Variants in MYOM2 observed in about 807,000 individuals in gnomAD.
The protein encoded by MYOM2 is myomesin 2.
In MYOM2, 254 loss-of-function variants were observed where a neutral mutation model predicts 187.6. The observed-to-expected ratio is 1.35, with a 90% CI of 1.22 to 1.50. The LOEUF (loss-of-function observed/expected upper bound fraction) is 1.50, where lower values mean the gene tolerates loss of function less well. Ranked by LOEUF, MYOM2 falls within the 40% of genes most tolerant of loss-of-function variation. The pLI is 0.00. For missense variants in MYOM2, 2,796 were observed against 1,924.0 expected, an observed-to-expected ratio of 1.45 and a Z score of -8.48; for synonymous variants, 981 against 753.8, an observed-to-expected ratio of 1.30 and a Z score of -4.94.
chr8:2,062,779 A>C (rs1380584223), intron 6 of MYOM2, among the ~76,000 whole-genome samples: 1 of 152,090 alleles, frequency 6.6e-6, no homozygotes, highest in Non-Finnish European at 1.5e-5. Flanking sequence ...AGGGGTAAGT[A>C]GGTTGGTCTG....
chr8:2,057,200 T>G, intron 3 of MYOM2, 148 bp from the exon 4 acceptor site: 1 of 850,920 alleles, frequency 1.2e-6, no homozygotes, highest in South Asian at 2.1e-5. Flanking sequence ...TAGATTCAAA[T>G]GAGCAGAAGT....
intron 11 of MYOM2, among the ~76,000 whole-genome samples, chr8:2,078,269 C>A (rs1472961039): frequency 6.6e-6 from 1 of 152,202 alleles, no homozygotes; most frequent in Non-Finnish European, 1.5e-5. Context: ...GGGACCTGGG[C>A]CCTTGGTCTC....
At chr8:2,065,927 G>A (rs117167000) in intron 6 of MYOM2, among the ~76,000 whole-genome samples, 12 of 152,326 alleles carry the variant, frequency 7.9e-5, no homozygotes, top group South Asian at 2.1e-4. Flanking sequence ...TGCAGCACAC[G>A]GGGGAGATTC....
Position 2,094,480 on chromosome 8 carries a change from C to T in MYOM2, c.2125+389C>T, listed in dbSNP as rs147001477. Among the ~76,000 whole-genome samples the T allele has an allele frequency of 2.6e-3, 390 of 152,178 alleles. 1 individual carries two copies. The highest frequency in any genetic ancestry group is 7.9e-3 in the African/African-American group (329 of 41,532). On this transcript the variant is annotated intron_variant, in intron 17 of 36. Coordinates refer to ENST00000262113, the MANE Select transcript of MYOM2 (RefSeq NM_003970.4). ...CATCCTGGCCAACAAGGTGAAACCC[C>T]GTCTCTACTGAAAATACAAAAATCA... is the stretch of plus-strand genomic sequence containing the variant.
At chr8:2,089,834 G>T (rs1796233463) in intron 14 of MYOM2, among the ~76,000 whole-genome samples, 174 bp from the exon 15 acceptor site, 1 of 152,030 alleles carries the variant, frequency 6.6e-6, no homozygotes, top group Non-Finnish European at 1.5e-5. Flanking sequence ...CTCCAAATTG[G>T]CATCATGTTT....
At chr8:2,123,476 A>G (rs745966935) in intron 29 of MYOM2, 79 bp from the exon 30 acceptor site, 28 of 1,482,962 alleles carry the variant, frequency 1.9e-5, no homozygotes, top group Non-Finnish European at 2.5e-5. Context: ...GTTTGCAAAG[A>G]AAATGTATTA....
At chr8:2,109,962 G>T (rs571163219) in intron 25 of MYOM2, among the ~76,000 whole-genome samples, 5 of 152,318 alleles carry the variant, frequency 3.3e-5, no homozygotes, top group African/African-American at 1.2e-4. Context: ...ATAAGTTTCT[G>T]TGGCTTCTCT....
chr8:2,064,777 C>G (rs1017075549), intron 6 of MYOM2, among the ~76,000 whole-genome samples: 2 of 151,458 alleles, frequency 1.3e-5, no homozygotes, highest in Non-Finnish European at 2.9e-5. Flanking sequence ...TCCTTCTCCT[C>G]CATCCCCCTC....
chr8:2,102,800 A>G lies in MYOM2; in HGVS notation c.2734+19A>G. 1 of 1,580,176 alleles carries G rather than the reference A, an allele frequency of 6.3e-7. No individual in the cohort carries two copies. The highest frequency in any genetic ancestry group is 8.7e-7 in the Non-Finnish European group (1 of 1,150,478). ...AGACCAGGTAAGGCTTACAACAAAAACTACAAAACAGCAATGATTTGTGGG... is the reference window on the plus strand; with the variant it reads ...AGACCAGGTAAGGCTTACAACAAAAGCTACAAAACAGCAATGATTTGTGGG... On this transcript the variant is annotated intron_variant, in intron 21 of 36. Coordinates refer to ENST00000262113, the MANE Select transcript of MYOM2 (RefSeq NM_003970.4).
intron 3 of MYOM2, among the ~76,000 whole-genome samples, chr8:2,055,787 C>T (rs555079704): frequency 1.2e-4 from 18 of 152,294 alleles, no homozygotes; most frequent in Non-Finnish European, 2.1e-4. Context: ...CAGGCCTTAC[C>T]GCCAACCTGC....
intron 6 of MYOM2, among the ~76,000 whole-genome samples, chr8:2,065,361 G>C (rs930054709): frequency 6.6e-6 from 1 of 152,148 alleles, no homozygotes; most frequent in Non-Finnish European, 1.5e-5. Flanking sequence ...ACGAGGTCAG[G>C]AGTTTGAGAC....
At chr8:2,113,365 G>A (rs1255940070) in intron 25 of MYOM2, among the ~76,000 whole-genome samples, 4 of 152,180 alleles carry the variant, frequency 2.6e-5, no homozygotes, top group African/African-American at 9.7e-5. Flanking sequence ...ACACCTTTCA[G>A]TATCTGTTAG....
chr8:2,058,826 A>G (rs1006410919), intron 5 of MYOM2, among the ~76,000 whole-genome samples: 1 of 152,208 alleles, frequency 6.6e-6, no homozygotes, highest in African/African-American at 2.4e-5. Flanking sequence ...GCTACACTGC[A>G]GCTTAAGTAG....
At position 2,123,649 on chromosome 8, in the gene MYOM2, G is replaced by T. The variant is rs187275451; in HGVS notation, c.3655+7G>T. On this transcript the variant is annotated splice_region_variant and intron_variant, in intron 30 of 36. Coordinates refer to ENST00000262113, the MANE Select transcript of MYOM2 (RefSeq NM_003970.4). ...CTTGAAATAGCTGGCAAAGGTAAAA[G>T]AAAACCTCCTTTGTTCTGTGAACAA... 4 of 1,612,228 alleles carry T rather than the reference G, an allele frequency of 2.5e-6. No individual in the cohort carries two copies. Among genetic ancestry groups the T allele is most frequent in the Non-Finnish European group, 2.5e-6 (3 of 1,178,432 alleles).
In MYOM2 at chr8:2,126,193, G is replaced by C. The variant is rs139611921; in HGVS notation, c.3694+1976G>C. Among the ~76,000 whole-genome samples the C allele has an allele frequency of 8.8e-3, 1,341 of 152,282 alleles. 31 individuals carry two copies. The highest frequency in any genetic ancestry group is 0.031 in the African/African-American group (1,292 of 41,548). On this transcript the variant is annotated intron_variant, in intron 31 of 36. Transcript: ENST00000262113. ...GAAGCAGAGATGCAGCGGCTGAGGGGACATGCACATTATGTTGGGAGTTGG... is the reference window on the plus strand; with the variant it reads ...GAAGCAGAGATGCAGCGGCTGAGGGCACATGCACATTATGTTGGGAGTTGG...
intron 20 of MYOM2, 59 bp from the exon 21 acceptor site, chr8:2,102,608 A>T: frequency 8.2e-7 from 1 of 1,222,308 alleles, no homozygotes; most frequent in Non-Finnish European, 1.2e-6. Context: ...AATGTGAAAA[A>T]CTCCACAGTC....
rs1269263898 is a variant in MYOM2 at position 2,101,074 on chromosome 8, G to C, written c.2619+20G>C. 2 of 1,612,192 alleles carry C rather than the reference G, an allele frequency of 1.2e-6. No homozygotes were observed. The highest frequency in any genetic ancestry group is 2.2e-5 in the East Asian group (1 of 44,830). Reference sequence around the variant, plus strand: ...TTAAAGGTAAGTCTTGGCCGGCTGTGGTGGCTCATGCCTGTAATCCCAGCA... The same window carrying C: ...TTAAAGGTAAGTCTTGGCCGGCTGTCGTGGCTCATGCCTGTAATCCCAGCA... On this transcript the variant is annotated intron_variant, in intron 20 of 36. Coordinates refer to ENST00000262113, the MANE Select transcript of MYOM2 (RefSeq NM_003970.4).
intron 19 of MYOM2, among the ~76,000 whole-genome samples, chr8:2,100,109 TTTCTTTCCTTCCTTCCTTCTTTCCTTCC>T (rs1796644957): frequency 0.036 from 2,320 of 64,134 alleles, 49 homozygotes; most frequent in East Asian, 0.046. Flanking sequence ...TCCTTCCTTC[TTTCTTTCCTTCCTTCCTTCTTTCCTTCC>T]TTCCTTCCTT....
chr8:2,076,139 A>C lies in MYOM2; in HGVS notation c.1121-2A>C. The stretch of plus-strand genomic sequence containing the variant: ...GTGTGCCTTTTCTCTCCCTGCCCCA[A>C]GATGCTGACCCGCTGGTCACAGGGG... On this transcript the variant is annotated splice_acceptor_variant, in intron 10 of 36. Coordinates refer to ENST00000262113, the MANE Select transcript of MYOM2 (RefSeq NM_003970.4). LOFTEE classifies it high-confidence loss of function. The C allele has an allele frequency of 6.2e-7, 1 of 1,611,068 alleles. No individual in the cohort carries two copies. The highest frequency in any genetic ancestry group is 8.5e-7 in the Non-Finnish European group (1 of 1,179,240).
Sources: gnomAD v4.1 joint callset for allele counts (sites outside exome capture counted in the v4.1 genomes callset) on GRCh38, gnomAD v4.1.1 for gene constraint, MANE v1.5 for transcripts, NCBI Gene and HGNC (gene_info 2026-07-23, HGNC 2026-07-21) for gene names.